Variants in ANKRD30A observed in about 807,000 individuals in gnomAD.
ANKRD30A encodes the protein ankyrin repeat domain-containing protein 30A.
Under a neutral mutation model 166.3 loss-of-function variants are expected in ANKRD30A, and 170 were observed. The ratio of observed to expected loss-of-function variants is 1.02; its 90% CI spans 0.90 to 1.16. The LOEUF (loss-of-function observed/expected upper bound fraction) is 1.16, where lower values mean the gene tolerates loss of function less well. ANKRD30A is among the 50% of genes most tolerant of loss of function. The pLI is 0.00. For synonymous variants in ANKRD30A, 564 were observed against 508.9 expected, an observed-to-expected ratio of 1.11 and a Z score of -1.46; for missense variants, 1,630 against 1,518.0, an observed-to-expected ratio of 1.07 and a Z score of -1.23.
At chr10:37,196,995 T>A (rs1841188076) in intron 27 of ANKRD30A, among the ~76,000 whole-genome samples, 1 of 152,192 alleles carries the variant, frequency 6.6e-6, no homozygotes, top group East Asian at 1.9e-4. Flanking sequence ...GCATTCCATG[T>A]TCAGCTTTGA....
At chr10:37,192,882 AG>A (rs1263506369) in intron 25 of ANKRD30A, among the ~76,000 whole-genome samples, 181 bp from the exon 26 acceptor site, 1 of 152,012 alleles carries the variant, frequency 6.6e-6, no homozygotes, top group Non-Finnish European at 1.5e-5. Context: ...AAATTGTCTT[AG>A]GTATATTTCT....
chr10:37,223,595 A>C (rs1842992449), intron 34 of ANKRD30A, among the ~76,000 whole-genome samples: 1 of 151,390 alleles, frequency 6.6e-6, no homozygotes, highest in Non-Finnish European at 1.5e-5. Context: ...TTACCAAATA[A>C]ATTTTGGAAG....
At chr10:37,189,729 A>G (rs1840373898) in intron 25 of ANKRD30A, among the ~76,000 whole-genome samples, 172 bp downstream of exon 25, 1 of 149,804 alleles carries the variant, frequency 6.7e-6, no homozygotes. Flanking sequence ...GCAACAGACT[A>G]TATTGTGAGT....
intron 11 of ANKRD30A, 42 bp downstream of exon 11, chr10:37,149,891 T>C (rs756088684): frequency 1.2e-5 from 20 of 1,607,718 alleles, no homozygotes; most frequent in Non-Finnish European, 1.7e-5. Flanking sequence ...AATATTTCAA[T>C]ATTGGACATT....
At chr10:37,158,470 A>C (rs1490574250) in intron 14 of ANKRD30A, 44 bp from the exon 15 acceptor site, 1 of 1,612,928 alleles carries the variant, frequency 6.2e-7, no homozygotes, top group Non-Finnish European at 8.5e-7. Context: ...TATTTTATGA[A>C]GTATACATTG....
At chr10:37,260,145 AGAG>A in the ANKRD30A span, among the ~76,000 whole-genome samples, 2 of 143,686 alleles carry the variant, frequency 1.4e-5, no homozygotes, top group Non-Finnish European at 1.5e-5. Context: ...CAAAAAAAAA[AGAG>A]AGAGAAAACT....
intron 7 of ANKRD30A, among the ~76,000 whole-genome samples, chr10:37,142,570 CTTTTTTTT>C (rs869026268): frequency 3.9e-3 from 311 of 78,918 alleles, no homozygotes; most frequent in African/African-American, 0.017. Context: ...TAGGATCACA[CTTTTTTTT>C]TTTTTTTTTT....
chr10:37,263,786 G>A, the ANKRD30A span, among the ~76,000 whole-genome samples: 2 of 152,100 alleles, frequency 1.3e-5, no homozygotes, highest in Admixed American at 6.5e-5. Context: ...CATGGCCTGT[G>A]TCGTGGGTTG....
chr10:37,212,976 A>G (rs2132724693), intron 31 of ANKRD30A, among the ~76,000 whole-genome samples: 1 of 152,020 alleles, frequency 6.6e-6, no homozygotes, highest in East Asian at 1.9e-4. Flanking sequence ...TAGAATCTTA[A>G]AGAATGTCAC....
downstream of ANKRD30A, among the ~76,000 whole-genome samples, chr10:37,236,639 A>G (rs994605584): frequency 1.3e-5 from 2 of 152,272 alleles, no homozygotes; most frequent in East Asian, 3.9e-4. Context: ...CTCACCAATT[A>G]TTTGTGCATG....
chr10:37,203,179 C>CA (rs896821459), intron 31 of ANKRD30A, among the ~76,000 whole-genome samples: 13 of 151,960 alleles, frequency 8.6e-5, no homozygotes, highest in Non-Finnish European at 1.0e-4. Flanking sequence ...AGAGACACAA[C>CA]AAAAAAACAG....
At chr10:37,204,238 T>C (rs537469955) in intron 31 of ANKRD30A, among the ~76,000 whole-genome samples, 1 of 152,262 alleles carries the variant, frequency 6.6e-6, no homozygotes, top group Non-Finnish European at 1.5e-5. Flanking sequence ...CTTCAAACTA[T>C]ACTACAAGGC....
chr10:37,231,233 A>C (rs978923999), intron 34 of ANKRD30A, among the ~76,000 whole-genome samples: 2 of 151,978 alleles, frequency 1.3e-5, no homozygotes, highest in Admixed American at 1.3e-4. Flanking sequence ...CAAAAAAAAA[A>C]CTTTTTGTTA....
intron 15 of ANKRD30A, among the ~76,000 whole-genome samples, chr10:37,162,419 T>A (rs2132596541): frequency 6.6e-6 from 1 of 152,334 alleles, no homozygotes; most frequent in East Asian, 1.9e-4. Context: ...AAACACAATC[T>A]CGCTTTTGAA....
the ANKRD30A span, among the ~76,000 whole-genome samples, chr10:37,258,737 G>C: frequency 1.3e-5 from 2 of 151,424 alleles, no homozygotes; most frequent in Non-Finnish European, 2.9e-5. Context: ...GCCGAGGTGG[G>C]TGGATCATGA....
chr10:37,233,248 G>C (rs1588970445), downstream of ANKRD30A, among the ~76,000 whole-genome samples: 1 of 151,972 alleles, frequency 6.6e-6, no homozygotes, highest in South Asian at 2.1e-4. Context: ...TAATTATTTT[G>C]ATAGCTTAGT....
At position 37,134,020 on chromosome 10, in the gene ANKRD30A, C is replaced by T. The variant is rs1286640361; in HGVS notation, c.722C>T (p.Ala241Val). ...VFAADICGVT[A>V]EHYAVTCGFH... is the part of the protein sequence containing the mutation. ...GCTGCAGATATATGTGGAGTAACTG[C>T]AGAACATTATGCTGTTACTTGTGGA... The change falls in exon 5 of 36, where the codon GCA becomes GTA. Residue 241 changes from alanine to valine, a missense_variant. Physicochemically the swap from Ala to Val is moderately conservative, Grantham distance 64. Around this residue, in one of 4 missense-constraint regions of ANKRD30A, gnomAD observed 904 missense variants for 818.5 expected, o/e 1.10. Coordinates refer to ENST00000361713, the MANE Select transcript of ANKRD30A (RefSeq NM_052997.3). The T allele has an allele frequency of 6.2e-7, 1 of 1,614,044 alleles. No homozygotes were observed. The highest frequency in any genetic ancestry group is 1.7e-5 in the Admixed American group (1 of 60,014).
intron 15 of ANKRD30A, among the ~76,000 whole-genome samples, chr10:37,162,001 T>C (rs1470739401): frequency 6.6e-6 from 1 of 152,192 alleles, no homozygotes; most frequent in Non-Finnish European, 1.5e-5. Flanking sequence ...TTTATATAAA[T>C]ATGTCAATAT....
intron 34 of ANKRD30A, among the ~76,000 whole-genome samples, chr10:37,227,951 T>G (rs1421509399): frequency 1.3e-5 from 2 of 152,006 alleles, no homozygotes; most frequent in African/African-American, 4.8e-5. Flanking sequence ...AGGTAGATCC[T>G]CTTTTGACCT....
Sources: allele counts gnomAD v4.1 joint callset (sites outside exome capture counted in the v4.1 genomes callset), GRCh38; gene constraint gnomAD v4.1.1; regional missense constraint gnomAD v4.1.1; transcripts MANE v1.5; gene names NCBI Gene and HGNC (gene_info 2026-07-23, HGNC 2026-07-21).